Variants in RHOBTB3 observed in about 807,000 individuals in gnomAD.
RHOBTB3 encodes Rho related BTB domain containing 3.
RHOBTB3 carries 47 observed loss-of-function variants against 67.2 expected under a neutral mutation model. The ratio of observed to expected loss-of-function variants is 0.70; its 90% CI spans 0.55 to 0.89. RHOBTB3 has a LOEUF of 0.89. Ranked by LOEUF, RHOBTB3 falls within the 40% of genes least tolerant of loss-of-function variation. The probability of loss-of-function intolerance (pLI) is 0.00; values close to 1 mark genes in which losing one functional copy is unlikely to be tolerated. For synonymous variants in RHOBTB3, 273 were observed against 274.2 expected (o/e 1.00, Z 0.04); for missense variants, 631 against 750.0 (o/e 0.84, Z 1.85).
At chr5:95,786,174 AAG>A (rs1409363646) in intron 10 of RHOBTB3, among the ~76,000 whole-genome samples, 2 of 152,210 alleles carry the variant, frequency 1.3e-5, no homozygotes, top group East Asian at 3.8e-4. Context: ...TTTTCTTCCC[AAG>A]TTTTCTTTGA....
At chr5:95,769,371 G>C in intron 8 of RHOBTB3, 1 of 406,888 alleles carries the variant, frequency 2.5e-6, no homozygotes, top group South Asian at 2.1e-5. Context: ...ACTCCCTATG[G>C]TCAAGAAAGT....
At chr5:95,726,172 C>T (rs1050409069), upstream of RHOBTB3, among the ~76,000 whole-genome samples, 1 of 152,164 alleles carries the variant, frequency 6.6e-6, no homozygotes, top group Non-Finnish European at 1.5e-5. Context: ...GGAATTTTAG[C>T]AAAACTTCAT....
In RHOBTB3 at chr5:95,763,616, G is replaced by T. The variant is rs1745453803; in HGVS notation, c.1157G>T (p.Gly386Val). Reference protein sequence around the residue: ...EKVKCILKTPGKINCLRNCKT... With the variant: ...EKVKCILKTPVKINCLRNCKT... Reference sequence around the variant, plus strand: ...GTTAAATGCATTTTAAAAACACCAGGAAAGGTAAGTTGATTTGTTGTAAGT... The same window carrying T: ...GTTAAATGCATTTTAAAAACACCAGTAAAGGTAAGTTGATTTGTTGTAAGT... The change falls in exon 7 of 12, where the codon GGA becomes GTA. Residue 386 changes from glycine (G) to valine (V), a missense_variant. Transcript: ENST00000379982. 1 of 1,566,214 alleles carries T rather than the reference G, an allele frequency of 6.4e-7. No homozygotes were observed. The highest frequency in any genetic ancestry group is 1.4e-5 in the African/African-American group (1 of 74,000).
chr5:95,741,695 G>A (rs1755605014), intron 3 of RHOBTB3, among the ~76,000 whole-genome samples: 1 of 151,766 alleles, frequency 6.6e-6, no homozygotes, highest in Non-Finnish European at 1.5e-5. Context: ...ACGCCCAGTG[G>A]GTTTGGGGGG....
At chr5:95,783,632 G>T in intron 9 of RHOBTB3, 165 bp from the exon 10 acceptor site, 1 of 424,980 alleles carries the variant, frequency 2.4e-6, no homozygotes, top group Non-Finnish European at 4.2e-6. Flanking sequence ...GAATAAAAGT[G>T]CAGAATGCTG....
intron 3 of RHOBTB3, among the ~76,000 whole-genome samples, chr5:95,747,046 CA>C (rs1478605062): frequency 6.6e-6 from 1 of 152,198 alleles, no homozygotes; most frequent in Non-Finnish European, 1.5e-5. Context: ...CTTACTCCCT[CA>C]GTTATTGGGG....
chr5:95,750,581 G>A (rs1483612619), intron 4 of RHOBTB3, among the ~76,000 whole-genome samples: 2 of 152,216 alleles, frequency 1.3e-5, no homozygotes, highest in Non-Finnish European at 2.9e-5. Flanking sequence ...AAAGGTCTAT[G>A]GAATAGTGCT....
chr5:95,731,536 T>G lies in RHOBTB3; in HGVS notation c.-147T>G. ...GGCTGGCGCGGCCCCGGCCCCGCTC[T>G]GCGTCGGCCCCGCCGCGGTGGAGGC... On this transcript the variant is annotated 5_prime_UTR_variant, in exon 1 of 12. Transcript: ENST00000379982. 7.2e-7 allele frequency: 1 copy of G among 1,385,326 alleles called. No individual in the cohort carries two copies. Among genetic ancestry groups the G allele is most frequent in the Non-Finnish European group, 9.3e-7 (1 of 1,073,012 alleles). 85.8% of individuals were successfully genotyped at this position (1,385,326 alleles called of 1,614,324 possible). A position where few individuals can be genotyped will look rare whatever the true frequency, so the allele number is the denominator to read the frequency against.
At chr5:95,759,046 G>T (rs1002222127) in intron 6 of RHOBTB3, among the ~76,000 whole-genome samples, 2 of 152,238 alleles carry the variant, frequency 1.3e-5, no homozygotes, top group African/African-American at 4.8e-5. Context: ...GTGTGTCCCT[G>T]ACGCGAGGAA....
intron 8 of RHOBTB3, among the ~76,000 whole-genome samples, chr5:95,775,454 A>G (rs769401180): frequency 1.8e-4 from 27 of 149,738 alleles, no homozygotes; most frequent in Non-Finnish European, 3.4e-4. Context: ...ATTCTTAATA[A>G]TATATGTATA....
upstream of RHOBTB3, among the ~76,000 whole-genome samples, chr5:95,727,997 C>G (rs140318012): frequency 3.0e-4 from 45 of 152,338 alleles, no homozygotes; most frequent in African/African-American, 1.0e-3. Flanking sequence ...GACCTGACTT[C>G]ATGTGGTTGA....
chr5:95,730,354 T>G (rs1755185246), upstream of RHOBTB3, among the ~76,000 whole-genome samples: 1 of 152,226 alleles, frequency 6.6e-6, no homozygotes, highest in East Asian at 1.9e-4. Context: ...AGGTACTGGT[T>G]AGAATTTTAA....
chr5:95,770,548 A>G (rs2112817422), intron 8 of RHOBTB3: 1 of 398,416 alleles, frequency 2.5e-6, no homozygotes, highest in Non-Finnish European at 5.1e-6. Context: ...ATATGGTGGA[A>G]GAGGAATCAT....
intron 4 of RHOBTB3, among the ~76,000 whole-genome samples, chr5:95,749,061 A>G (rs1745011075): frequency 6.6e-6 from 1 of 152,326 alleles, no homozygotes; most frequent in African/African-American, 2.4e-5. Flanking sequence ...TTTGATGCTG[A>G]TGTTAACACA....
chr5:95,763,305 T>C (rs1211275773), intron 6 of RHOBTB3, among the ~76,000 whole-genome samples: 1 of 152,174 alleles, frequency 6.6e-6, no homozygotes, highest in Non-Finnish European at 1.5e-5. Context: ...ACTTCAGATT[T>C]TGAGAAATAA....
rs1334181155 is a variant in RHOBTB3 at position 95,795,610 on chromosome 5, G to C, written c.*2436G>C. On this transcript the variant is annotated 3_prime_UTR_variant, in exon 12 of 12. Transcript: ENST00000379982. ...GGTGTGGAGTGTGTAGTTTTGTTATGAAAGTTCTCTACCACCTACCTGTGT... is the reference window on the plus strand; with the variant it reads ...GGTGTGGAGTGTGTAGTTTTGTTATCAAAGTTCTCTACCACCTACCTGTGT... 1 of 152,174 alleles carries C rather than the reference G, an allele frequency of 6.6e-6. No individual in the cohort carries two copies. The highest frequency in any genetic ancestry group is 2.4e-5 in the African/African-American group (1 of 41,436). 9.4% of individuals were successfully genotyped at this position (152,174 alleles called of 1,614,324 possible).
intron 5 of RHOBTB3, among the ~76,000 whole-genome samples, chr5:95,753,389 G>C (rs1319835552): frequency 6.6e-6 from 1 of 152,028 alleles, no homozygotes; most frequent in African/African-American, 2.4e-5. Flanking sequence ...TTTTTTGACT[G>C]TTTGAAAATA....
chr5:95,772,314 G>T (rs955589222), intron 8 of RHOBTB3, among the ~76,000 whole-genome samples: 1 of 152,180 alleles, frequency 6.6e-6, no homozygotes, highest in African/African-American at 2.4e-5. Context: ...ACATAGTGTT[G>T]TATTAACCAG....
At chr5:95,754,340 G>A (rs1440363914) in intron 5 of RHOBTB3, among the ~76,000 whole-genome samples, 1 of 152,112 alleles carries the variant, frequency 6.6e-6, no homozygotes, top group Admixed American at 6.6e-5. Flanking sequence ...GACGGATCCT[G>A]GGCTCTGGGG....
Sources: gnomAD v4.1 joint callset for allele counts (sites outside exome capture counted in the v4.1 genomes callset) on GRCh38, gnomAD v4.1.1 for gene constraint, MANE v1.5 for transcripts, NCBI Gene and HGNC (gene_info 2026-07-23, HGNC 2026-07-21) for gene names.